ANKS1A: variants seen among roughly 807,000 people sequenced by gnomAD.
ANKS1A encodes the protein ankyrin repeat and sterile alpha motif domain containing 1A.
ANKS1A carries 55 observed loss-of-function variants against 120.3 expected under a neutral mutation model. The observed-to-expected ratio is 0.46, with a 90% confidence interval of 0.37 to 0.57. The LOEUF is 0.57. Among genes scored for constraint, ANKS1A ranks in the 20% least tolerant of loss-of-function variants. The pLI, the probability that ANKS1A is intolerant of heterozygous loss-of-function variation, is 0.00. For missense variants in ANKS1A, 1,123 were observed against 1,480.3 expected, an observed-to-expected ratio of 0.76 and a Z score of 3.96; for synonymous variants, 590 against 604.7, an observed-to-expected ratio of 0.98 and a Z score of 0.36.
chr6:34,981,818 G>A lies in ANKS1A; in HGVS notation c.564G>A (p.Leu188=). 1 of 1,614,102 alleles carries A rather than the reference G, an allele frequency of 6.2e-7. No individual in the cohort carries two copies. Among genetic ancestry groups the A allele is most frequent in the Non-Finnish European group, 8.5e-7 (1 of 1,180,008 alleles). The change falls in exon 4 of 24, where the codon CTG becomes CTA. Residue 188 remains leucine (L), a synonymous_variant. Transcript: ENST00000360359. Reference sequence around the variant, plus strand: ...ACAAATTCGAGACCCCTTTGGACCTGGCAGCACTGTACGGGCGACTGGAGG... The same window carrying A: ...ACAAATTCGAGACCCCTTTGGACCTAGCAGCACTGTACGGGCGACTGGAGG... The part of the protein sequence containing the change: ...RNNKFETPLD[L]AALYGRLEVV...
Position 34,989,338 on chromosome 6 carries a change from C to A in ANKS1A, c.1302+22C>A. ...TGAGGTAGAGGGTTGTGGGTTTATTCCCCATTGCTGAAATTTGAGTTTGTT... is the reference window on the plus strand; with the variant it reads ...TGAGGTAGAGGGTTGTGGGTTTATTACCCATTGCTGAAATTTGAGTTTGTT... On this transcript the variant is annotated intron_variant, in intron 9 of 23. Coordinates refer to ENST00000360359, the MANE Select transcript of ANKS1A (RefSeq NM_015245.3). 2.5e-6 allele frequency: 4 copies of A among 1,601,536 alleles called. No homozygotes were observed. In the South Asian group the frequency reaches 4.5e-5, roughly 18 times the overall value.
intron 11 of ANKS1A, among the ~76,000 whole-genome samples, chr6:35,041,590 C>T (rs934137013): frequency 2.0e-5 from 3 of 152,220 alleles, no homozygotes; most frequent in Non-Finnish European, 4.4e-5. Flanking sequence ...GCACTCTTCA[C>T]TGGCCTGTTT....
At chr6:35,035,206 G>C (rs188296912) in intron 11 of ANKS1A, among the ~76,000 whole-genome samples, 2 of 152,280 alleles carry the variant, frequency 1.3e-5, no homozygotes, top group East Asian at 3.9e-4. Context: ...CTGGGTGCAG[G>C]GGGTAGAGTT....
chr6:34,945,371 C>G (rs1023422243), intron 1 of ANKS1A, among the ~76,000 whole-genome samples: 8 of 152,182 alleles, frequency 5.3e-5, no homozygotes, highest in African/African-American at 1.9e-4. Context: ...AGCCACCGCA[C>G]CTGACCTTGA....
chr6:34,977,696 C>G (rs1581584555), intron 3 of ANKS1A, among the ~76,000 whole-genome samples: 1 of 152,172 alleles, frequency 6.6e-6, no homozygotes, highest in East Asian at 1.9e-4. Context: ...CAGAGTAAGT[C>G]TAACTCTTCT....
At chr6:35,081,669 G>A (rs1447151881) in intron 17 of ANKS1A, among the ~76,000 whole-genome samples, 1 of 152,228 alleles carries the variant, frequency 6.6e-6, no homozygotes, top group East Asian at 1.9e-4. Flanking sequence ...TTCTCTGCCT[G>A]CAGCCCCGTG....
intron 10 of ANKS1A, among the ~76,000 whole-genome samples, chr6:35,011,840 A>G (rs1773773067): frequency 6.6e-6 from 1 of 152,342 alleles, no homozygotes; most frequent in Non-Finnish European, 1.5e-5. Context: ...GCTATCATTT[A>G]CTGAATGCTT....
chr6:35,005,734 A>C (rs576324202), intron 10 of ANKS1A: 37 of 451,282 alleles, frequency 8.2e-5, no homozygotes, highest in South Asian at 5.7e-4. Context: ...AAGAGGAAAA[A>C]ACCGCTACAT....
At chr6:34,942,858 CT>C (rs1484734025) in intron 1 of ANKS1A, among the ~76,000 whole-genome samples, 1 of 148,716 alleles carries the variant, frequency 6.7e-6, no homozygotes, top group African/African-American at 2.5e-5. Context: ...CTTTTCTTTT[CT>C]TTTTTCTCTT....
intron 9 of ANKS1A, among the ~76,000 whole-genome samples, chr6:34,989,540 G>A (rs935169516): frequency 2.6e-5 from 4 of 152,112 alleles, no homozygotes; most frequent in African/African-American, 9.7e-5. Flanking sequence ...CATACCACAC[G>A]GAAAGTAAAA....
chr6:35,002,971 T>A (rs546322053), intron 10 of ANKS1A, among the ~76,000 whole-genome samples: 79 of 146,152 alleles, frequency 5.4e-4, no homozygotes, highest in Non-Finnish European at 9.2e-4. Context: ...ACTAGACGGC[T>A]CCCACTAGGC....
chr6:35,041,292 T>C (rs1561933221), intron 11 of ANKS1A, among the ~76,000 whole-genome samples: 1 of 152,186 alleles, frequency 6.6e-6, no homozygotes, highest in African/African-American at 2.4e-5. Flanking sequence ...CAGCAATCAA[T>C]GCTTACAAAA....
intron 1 of ANKS1A, among the ~76,000 whole-genome samples, chr6:34,938,225 A>G (rs1769353284): frequency 6.6e-6 from 1 of 152,240 alleles, no homozygotes. Context: ...TTCAGGCATC[A>G]AGCAAATTGG....
rs1776459676 is a variant in ANKS1A at position 35,060,835 on chromosome 6, TC to T, written c.2184+584del. The stretch of plus-strand genomic sequence containing the variant: ...AAATAAAAAGAGAAACCAGGGTGTT[TC>T]CTCTGGATCCCTGCAGAATAGGGAC... On this transcript the variant is annotated intron_variant, in intron 13 of 23. Transcript: ENST00000360359. The surrounding 1 kb of genome is among the most constrained non-coding windows in gnomAD (Gnocchi z 4.5). 6.6e-6 allele frequency among the ~76,000 whole-genome samples: 1 copy of T among 152,220 alleles called. No homozygotes were observed. The highest frequency in any genetic ancestry group is 1.5e-5 in the Non-Finnish European group (1 of 68,036).
chr6:35,090,828 A>G lies in ANKS1A; in HGVS notation c.*2219A>G. 1 of 985,944 alleles carries G rather than the reference A, an allele frequency of 1.0e-6. No homozygotes were observed. Among genetic ancestry groups the G allele is most frequent in the Non-Finnish European group, 1.2e-6 (1 of 830,338 alleles). 61.1% of individuals were successfully genotyped at this position (985,944 alleles called of 1,614,324 possible). On this transcript the variant is annotated 3_prime_UTR_variant, in exon 24 of 24. Coordinates refer to ENST00000360359, the MANE Select transcript of ANKS1A (RefSeq NM_015245.3). ...CGGGTGGGAGACTTCAGATGGGCTC[A>G]GTACCTGTCCCAGCCACAGGCTTCT...
chr6:35,048,840 T>C (rs1302992062), intron 11 of ANKS1A, among the ~76,000 whole-genome samples: 1 of 152,196 alleles, frequency 6.6e-6, no homozygotes, highest in Non-Finnish European at 1.5e-5. Context: ...CTGGTGAGGC[T>C]GAGGAGGCTG....
intron 1 of ANKS1A, among the ~76,000 whole-genome samples, chr6:34,956,377 G>T (rs1224306669): frequency 1.3e-5 from 2 of 151,336 alleles, no homozygotes; most frequent in East Asian, 1.9e-4. Context: ...TGTGTGCTCT[G>T]TCTTTTCATG....
chr6:35,081,172 A>C lies in ANKS1A; in HGVS notation c.2709+14A>C, dbSNP rs769403199. 13 of 1,598,750 alleles carry C rather than the reference A, an allele frequency of 8.1e-6. No homozygotes were observed. The South Asian group carries it at 1.4e-4, about 18-fold the overall frequency. On this transcript the variant is annotated intron_variant, in intron 17 of 23. Transcript: ENST00000360359. ...TTCAGGATCCAGGTGGGGCAGGGGG[A>C]GTGGAGGTGCAGCCAGGCTCTACCT...
At chr6:35,054,443 T>C (rs1226124982) in intron 12 of ANKS1A, among the ~76,000 whole-genome samples, 5 of 152,190 alleles carry the variant, frequency 3.3e-5, no homozygotes, top group Non-Finnish European at 5.9e-5. Flanking sequence ...AATCGTAACT[T>C]ATTCATTATT....
Sources: gnomAD v4.1 joint callset for allele counts (sites outside exome capture counted in the v4.1 genomes callset) on GRCh38, gnomAD v4.1.1 for gene constraint, Gnocchi (gnomAD v3.1) non-coding constraint, MANE v1.5 for transcripts, NCBI Gene and HGNC (gene_info 2026-07-23, HGNC 2026-07-21) for gene names.